Variants in ZNF616 observed in about 807,000 individuals in gnomAD.
ZNF616 encodes the protein zinc finger protein 616.
A neutral mutation model predicts 7.6 loss-of-function variants in ZNF616; 5 were observed. The ratio of observed to expected loss-of-function variants is 0.66; its 90% CI spans 0.34 to 1.38. The LOEUF is 1.38. Among genes scored for constraint, ZNF616 ranks in the 40% most tolerant of loss-of-function variants. The pLI is 0.04. For synonymous variants in ZNF616, 319 were observed against 317.2 expected (o/e 1.01, Z -0.06); for missense variants, 913 against 948.3 (o/e 0.96, Z 0.49).
chr19:52,125,925 T>C (rs2088902972), intron 2 of ZNF616, among the ~76,000 whole-genome samples: 1 of 152,008 alleles, frequency 6.6e-6, no homozygotes, highest in Non-Finnish European at 1.5e-5. Context: ...TCCACAATAG[T>C]ACAGAAAATA....
intron 1 of ZNF616, among the ~76,000 whole-genome samples, chr19:52,137,184 C>T (rs1024046973): frequency 2.6e-5 from 4 of 151,532 alleles, no homozygotes; most frequent in Admixed American, 2.6e-4. Context: ...TTTGGGAGGC[C>T]GAGGCGGGTG....
chr19:52,129,887 A>G (rs2088942725), intron 2 of ZNF616, among the ~76,000 whole-genome samples: 1 of 151,222 alleles, frequency 6.6e-6, no homozygotes, highest in African/African-American at 2.4e-5. Context: ...GGTTCAAGCT[A>G]TTCTCCCGCC....
Position 52,115,579 on chromosome 19 carries a change from C to A in ZNF616, c.1585G>T (p.Val529Phe). 6.2e-7 allele frequency: 1 copy of A among 1,614,124 alleles called. No individual in the cohort carries two copies. The highest frequency in any genetic ancestry group is 8.5e-7 in the Non-Finnish European group (1 of 1,180,032). ...KPYKCKECGKVFSDRSAFARH... is the reference protein window; with the variant it reads ...KPYKCKECGKFFSDRSAFARH... ...GCAAAAGCTGAACGGTCACTGAAGA[C>A]CTTGCCACATTCTTTGCATTTGTAA... is the stretch of plus-strand genomic sequence containing the variant. The change falls in exon 4 of 4, where the codon GTC (valine) becomes TTC (phenylalanine). Residue 529 changes from valine to phenylalanine, a missense_variant. Physicochemically the swap from Val to Phe is conservative, Grantham distance 50 (BLOSUM62 -1). Transcript: ENST00000600228.
At chr19:52,135,651 C>T (rs1215606620) in intron 1 of ZNF616, among the ~76,000 whole-genome samples, 1 of 152,158 alleles carries the variant, frequency 6.6e-6, no homozygotes, top group Non-Finnish European at 1.5e-5. Flanking sequence ...GGACTTGCTC[C>T]TCAATTCAGC....
At position 52,135,565 on chromosome 19, in the gene ZNF616, GCAGCT is replaced by G. The variant is rs2089000194; in HGVS notation, c.-77+4162_-77+4166del. 3.3e-5 allele frequency among the ~76,000 whole-genome samples: 5 copies of G among 152,134 alleles called. No homozygotes were observed. The South Asian group carries it at 1.0e-3, about 32-fold the overall frequency. On this transcript the variant is annotated intron_variant, in intron 1 of 3. Transcript: ENST00000600228. ...CACTATGGAGAGTGCCTGCTGTGCTGCAGCTCTGGGTTCCATGCCCTCAGGACCAA... is the reference window on the plus strand; with the variant it reads ...CACTATGGAGAGTGCCTGCTGTGCTGCTGGGTTCCATGCCCTCAGGACCAA...
In ZNF616 at chr19:52,113,829, A is replaced by C. The variant is rs2088791422; in HGVS notation, c.*989T>G. 6.7e-6 allele frequency: 1 copy of C among 149,656 alleles called. No individual in the cohort carries two copies. The highest frequency in any genetic ancestry group is 2.1e-4 in the South Asian group (1 of 4,822). 9.3% of individuals were successfully genotyped at this position (149,656 alleles called of 1,614,324 possible). ...ATGGCTGCATAGTATCCCATGGTGT[A>C]TATGTACCACATTTTCTTTATTCAG... On this transcript the variant is annotated 3_prime_UTR_variant, in exon 4 of 4. Coordinates refer to ENST00000600228, the MANE Select transcript of ZNF616 (RefSeq NM_178523.5).
At chr19:52,118,511 A>G (rs2088843466) in intron 3 of ZNF616, among the ~76,000 whole-genome samples, 1 of 152,214 alleles carries the variant, frequency 6.6e-6, no homozygotes, top group Non-Finnish European at 1.5e-5. Context: ...GTCCTCTGCC[A>G]TGTCAGGACA....
intron 1 of ZNF616, among the ~76,000 whole-genome samples, chr19:52,138,094 G>A (rs1046829152): frequency 6.6e-6 from 1 of 152,150 alleles, no homozygotes; most frequent in Non-Finnish European, 1.5e-5. Flanking sequence ...GCAGTGAGCC[G>A]ATATAATTTT....
rs1448596521 is a variant in ZNF616, at chr19:52,113,994, C to T, written c.*824G>A. ...GGTAAAAACCTTAGCATGCACATTA[C>T]ATTTCTGTGGTTCCTCTCAAAGATG... On this transcript the variant is annotated 3_prime_UTR_variant, in exon 4 of 4. Coordinates refer to ENST00000600228, the MANE Select transcript of ZNF616 (RefSeq NM_178523.5). 6.6e-6 allele frequency: 1 copy of T among 152,126 alleles called. No individual in the cohort carries two copies. The highest frequency in any genetic ancestry group is 1.5e-5 in the Non-Finnish European group (1 of 68,014). 9.4% of individuals were successfully genotyped at this position (152,126 alleles called of 1,614,324 possible). A position where few individuals can be genotyped will look rare whatever the true frequency, so the allele number is the denominator to read the frequency against.
rs960642135 is a variant in ZNF616 at position 52,113,177 on chromosome 19, A to C, written c.*1641T>G. The C allele has an allele frequency of 1.3e-5, 2 of 152,212 alleles. No individual in the cohort carries two copies. The highest frequency in any genetic ancestry group is 4.8e-5 in the African/African-American group (2 of 41,448). 9.4% of individuals were successfully genotyped at this position (152,212 alleles called of 1,614,324 possible). ...ATACATACTGTCCTGAGTTTTAACAAATGTTGTCTGGTAGTTATTCTGTAA... is the reference window on the plus strand; with the variant it reads ...ATACATACTGTCCTGAGTTTTAACACATGTTGTCTGGTAGTTATTCTGTAA... On this transcript the variant is annotated 3_prime_UTR_variant, in exon 4 of 4. Transcript: ENST00000600228.
chr19:52,126,764 A>C (rs933403890), intron 2 of ZNF616, among the ~76,000 whole-genome samples: 10 of 151,932 alleles, frequency 6.6e-5, no homozygotes, highest in African/African-American at 2.2e-4. Flanking sequence ...GCGAGACTCC[A>C]TCTCAAAAAA....
At position 52,115,450 on chromosome 19, in the gene ZNF616, T is replaced by G; in HGVS notation, c.1714A>C (p.Ser572Arg). 1 of 1,614,092 alleles carries G rather than the reference T, an allele frequency of 6.2e-7. No individual in the cohort carries two copies. The highest frequency in any genetic ancestry group is 8.5e-7 in the Non-Finnish European group (1 of 1,180,026). ...TTGCATTTGTAAGGTTTCTCTCCAC[T>G]ATGAATTCTCCGATGCACTGTAAGA... is the stretch of plus-strand genomic sequence containing the variant. ...SRLTVHRRIHSGEKPYKCNEC... is the reference protein window; with the variant it reads ...SRLTVHRRIHRGEKPYKCNEC... The change falls in exon 4 of 4, where the codon AGT (serine) becomes CGT (arginine). Residue 572 changes from serine to arginine, a missense_variant. Physicochemically the swap from Ser to Arg is moderately radical, Grantham distance 110. Transcript: ENST00000600228.
chr19:52,130,228 C>T (rs1416127804), intron 2 of ZNF616, among the ~76,000 whole-genome samples: 2 of 152,280 alleles, frequency 1.3e-5, no homozygotes, highest in South Asian at 2.1e-4. Context: ...GGACCCTCAC[C>T]CCATCTCCAT....
At chr19:52,127,570 A>C (rs890462035) in intron 2 of ZNF616, among the ~76,000 whole-genome samples, 3 of 152,240 alleles carry the variant, frequency 2.0e-5, no homozygotes, top group African/African-American at 7.2e-5. Flanking sequence ...AAAATATTAG[A>C]TCTTAAAAAA....
chr19:52,139,508 G>A lies in ZNF616; in HGVS notation c.-77+224C>T, dbSNP rs1244697121. On this transcript the variant is annotated intron_variant, in intron 1 of 3. Transcript: ENST00000600228. This position sits in a 1 kb window ranked among gnomAD's most constrained non-coding sequence, Gnocchi z 4.1. ...CTGGGCAGCGGGCGCTCCCCTCCAGGCGTCGACAAGGGCGAAGCTCGGGGG... is the reference window on the plus strand; with the variant it reads ...CTGGGCAGCGGGCGCTCCCCTCCAGACGTCGACAAGGGCGAAGCTCGGGGG... 6.6e-6 allele frequency among the ~76,000 whole-genome samples: 1 copy of A among 152,126 alleles called. No individual in the cohort carries two copies. Among genetic ancestry groups the A allele is most frequent in the Admixed American group, 6.5e-5 (1 of 15,278 alleles).
chr19:52,133,384 A>T (rs1019002722), intron 1 of ZNF616, among the ~76,000 whole-genome samples: 1 of 152,164 alleles, frequency 6.6e-6, no homozygotes, highest in Non-Finnish European at 1.5e-5. Context: ...CAGTTGTTAC[A>T]CTTTATAATA....
chr19:52,130,712 A>T, intron 1 of ZNF616, 124 bp from the exon 2 acceptor site: 1 of 653,212 alleles, frequency 1.5e-6, no homozygotes, highest in Non-Finnish European at 2.6e-6. Flanking sequence ...GGGGGGATGC[A>T]AGAATAATAA....
In ZNF616 at chr19:52,139,071, A is replaced by C. The variant is rs2089036852; in HGVS notation, c.-77+661T>G. Among the ~76,000 whole-genome samples the C allele has an allele frequency of 6.6e-6, 1 of 152,064 alleles. No homozygotes were observed. Among genetic ancestry groups the C allele is most frequent in the African/African-American group, 2.4e-5 (1 of 41,396 alleles). On this transcript the variant is annotated intron_variant, in intron 1 of 3. Coordinates refer to ENST00000600228, the MANE Select transcript of ZNF616 (RefSeq NM_178523.5). This position sits in a 1 kb window ranked among gnomAD's most constrained non-coding sequence, Gnocchi z 4.1. ...CTCTTGCACTCTTGCTCTCTTTGCC[A>C]GTACCTAAATTATCATCCATTTTGC...
intron 1 of ZNF616, among the ~76,000 whole-genome samples, chr19:52,138,118 C>T (rs950469650): frequency 6.6e-6 from 1 of 152,136 alleles, no homozygotes; most frequent in African/African-American, 2.4e-5. Flanking sequence ...GCACTCCAGC[C>T]TGGGCGACAG....
Sources: gnomAD v4.1 joint callset for allele counts (sites outside exome capture counted in the v4.1 genomes callset) on GRCh38, gnomAD v4.1.1 for gene constraint, Gnocchi (gnomAD v3.1) non-coding constraint, MANE v1.5 for transcripts, NCBI Gene and HGNC (gene_info 2026-07-23, HGNC 2026-07-21) for gene names.